CHODL: variants seen among roughly 807,000 people sequenced by gnomAD.
CHODL encodes the protein chondrolectin, also known as transmembrane protein MT75.
In CHODL, 29 loss-of-function variants were observed where a neutral mutation model predicts 34.5. That is an observed-to-expected ratio of 0.84 (90% CI 0.63 to 1.15). The LOEUF (loss-of-function observed/expected upper bound fraction) is 1.15. Among genes scored for constraint, CHODL ranks in the 50% most tolerant of loss-of-function variants. CHODL has a pLI of 0.00. For synonymous variants in CHODL, 125 were observed against 116.1 expected, an observed-to-expected ratio of 1.08 and a Z score of -0.49; for missense variants, 332 against 332.5, an observed-to-expected ratio of 1.00 and a Z score of 0.01.
chr21:18,110,327 G>A (rs947143775), intron 2 of CHODL, among the ~76,000 whole-genome samples: 1 of 152,184 alleles, frequency 6.6e-6, no homozygotes, highest in African/African-American at 2.4e-5. Flanking sequence ...TTCATTGAGA[G>A]GTGATTCACT....
chr21:18,197,932 C>T (rs922813692), intron 2 of CHODL, among the ~76,000 whole-genome samples: 10 of 152,142 alleles, frequency 6.6e-5, no homozygotes, highest in Non-Finnish European at 1.5e-4. Flanking sequence ...AAATATTTCA[C>T]GATAGTTTAA....
intron 1 of CHODL, among the ~76,000 whole-genome samples, chr21:17,929,719 G>T (rs2063256337): frequency 6.6e-6 from 1 of 152,244 alleles, no homozygotes; most frequent in Non-Finnish European, 1.5e-5. Context: ...AACTTGCCCG[G>T]AGATTGCGCA....
At chr21:17,924,068 C>G (rs1869141764) in intron 1 of CHODL, among the ~76,000 whole-genome samples, 1 of 152,138 alleles carries the variant, frequency 6.6e-6, no homozygotes, top group Non-Finnish European at 1.5e-5. Context: ...TGATATTTGG[C>G]TCATGCCTGA....
chr21:18,163,720 T>A (rs1276342875), intron 2 of CHODL, among the ~76,000 whole-genome samples: 1 of 152,162 alleles, frequency 6.6e-6, no homozygotes, highest in Non-Finnish European at 1.5e-5. Flanking sequence ...CTATTTTAAG[T>A]TTCTTGAGGT....
chr21:18,155,374 C>A (rs990774288), intron 2 of CHODL, among the ~76,000 whole-genome samples: 1 of 152,108 alleles, frequency 6.6e-6, no homozygotes, highest in Non-Finnish European at 1.5e-5. Flanking sequence ...AATTCATGTG[C>A]CTTGTGGATT....
intron 2 of CHODL, among the ~76,000 whole-genome samples, chr21:18,087,155 G>A (rs2065017674): frequency 6.6e-6 from 1 of 152,072 alleles, no homozygotes; most frequent in South Asian, 2.1e-4. Flanking sequence ...ATGTTAAAAT[G>A]GTGCCAGTCA....
rs1313889705 is a variant in CHODL at position 18,083,911 on chromosome 21, A to C, written c.-45+55940A>C. 7.2e-5 allele frequency among the ~76,000 whole-genome samples: 11 copies of C among 152,162 alleles called. No individual in the cohort carries two copies. In the East Asian group the frequency reaches 2.1e-3, roughly 29 times the overall value. On this transcript the variant is annotated intron_variant, in intron 2 of 6. Transcript: ENST00000400127. ...ATTTAGGTTAATGCTGGAATGAGTT[A>C]AGACTTTGGGAGACTGCTGGAAAGA...
At chr21:17,954,001 T>A (rs548239257) in intron 1 of CHODL, among the ~76,000 whole-genome samples, 1 of 152,120 alleles carries the variant, frequency 6.6e-6, no homozygotes, top group Non-Finnish European at 1.5e-5. Context: ...AGAGCGAGAC[T>A]CTGTCTCAAA....
Position 17,992,715 on chromosome 21 carries a change from G to GTTTTTTTTTT in CHODL, c.-144-35155_-144-35154insTTTTTTTTTT, listed in dbSNP as rs1237074983. Among the ~76,000 whole-genome samples the GTTTTTTTTTT allele has an allele frequency of 1.6e-4, 5 of 31,510 alleles. 1 individual carries two copies. The highest frequency in any genetic ancestry group is 2.2e-4 in the Non-Finnish European group (3 of 13,506). The allele number at this position is 31,510 out of a possible 152,430, so 20.7% of individuals were successfully genotyped here. On this transcript the variant is annotated intron_variant, in intron 1 of 6. Coordinates refer to the CHODL transcript ENST00000400127. ...ATCAGTTCTCAGAGTTTCTGGTGGA[G>GTTTTTTTTTT]TTGTTTTTTTTTTTTTTTTTTTTTT...
At chr21:18,120,701 C>T (rs1158711662) in intron 2 of CHODL, among the ~76,000 whole-genome samples, 1 of 151,866 alleles carries the variant, frequency 6.6e-6, no homozygotes, top group Non-Finnish European at 1.5e-5. Context: ...CTATGCTGTC[C>T]ATAGCTAATT....
intron 2 of CHODL, among the ~76,000 whole-genome samples, chr21:18,101,230 G>A (rs1412206715): frequency 2.0e-5 from 3 of 152,126 alleles, no homozygotes. Context: ...CGTGTAAGAC[G>A]TGACTTGCTC....
At chr21:18,196,032 G>A (rs1237379351) in intron 2 of CHODL, among the ~76,000 whole-genome samples, 1 of 152,124 alleles carries the variant, frequency 6.6e-6, no homozygotes, top group Non-Finnish European at 1.5e-5. Context: ...GTTTCCTCGT[G>A]TGTAATATAA....
rs1164891816 is a variant in CHODL, at chr21:18,016,983, G to A, written c.-144-10889G>A. 7.9e-5 allele frequency among the ~76,000 whole-genome samples: 12 copies of A among 152,236 alleles called. 2 individuals are homozygous for A. The highest frequency in any genetic ancestry group is 7.9e-4 in the Admixed American group (12 of 15,282). On this transcript the variant is annotated intron_variant, in intron 1 of 6. Transcript: ENST00000400127. ...CCAATTTATCCCATTTGGAAGAGGAGCATTTACTTAATGTCTGTATCCCCA... is the reference window on the plus strand; with the variant it reads ...CCAATTTATCCCATTTGGAAGAGGAACATTTACTTAATGTCTGTATCCCCA...
chr21:17,933,288 A>G (rs1022770674), intron 1 of CHODL, among the ~76,000 whole-genome samples: 10 of 152,142 alleles, frequency 6.6e-5, no homozygotes, highest in Non-Finnish European at 1.0e-4. Context: ...GGGCTGGGGG[A>G]CGGTCAGGTC....
At chr21:18,249,038 TA>T (rs1432438273) in intron 1 of CHODL, among the ~76,000 whole-genome samples, 6 of 120,768 alleles carry the variant, frequency 5.0e-5, no homozygotes, top group African/African-American at 2.0e-4. Flanking sequence ...TTAATATATA[TA>T]ATATTATATA....
rs890521851 is a variant in CHODL, at chr21:18,189,702, T to G, written c.-44-66807T>G. ...TCGGCTGGAGTGCAGTGGTGCGATCTCAGCTCACTGCAACCTCCGCCTCCC... is the reference window on the plus strand; with the variant it reads ...TCGGCTGGAGTGCAGTGGTGCGATCGCAGCTCACTGCAACCTCCGCCTCCC... On this transcript the variant is annotated intron_variant, in intron 2 of 6. Transcript: ENST00000400127. Among the ~76,000 whole-genome samples, 29 of 148,484 alleles carry G rather than the reference T, an allele frequency of 2.0e-4. 1 individual carries two copies. The highest frequency in any genetic ancestry group is 6.9e-4 in the African/African-American group (28 of 40,384).
intron 2 of CHODL, among the ~76,000 whole-genome samples, chr21:18,148,719 A>G (rs2072929098): frequency 6.6e-6 from 1 of 152,104 alleles, no homozygotes; most frequent in Admixed American, 6.6e-5. Context: ...TACACATTTC[A>G]TTGTGTCTTG....
At chr21:18,250,333 T>C (rs2074219804) in intron 1 of CHODL, among the ~76,000 whole-genome samples, 1 of 152,054 alleles carries the variant, frequency 6.6e-6, no homozygotes, top group South Asian at 2.1e-4. Flanking sequence ...AAAAAAATAG[T>C]CTCATGCTCT....
At chr21:18,121,380 T>C (rs886321762) in intron 2 of CHODL, among the ~76,000 whole-genome samples, 1 of 152,142 alleles carries the variant, frequency 6.6e-6, no homozygotes, top group East Asian at 1.9e-4. Context: ...GGGCCGCAGG[T>C]TGGACAAGCA....
Sources: gnomAD v4.1 joint callset for allele counts (sites outside exome capture counted in the v4.1 genomes callset) on GRCh38, gnomAD v4.1.1 for gene constraint, MANE v1.5 for transcripts, NCBI Gene and HGNC (gene_info 2026-07-23, HGNC 2026-07-21) for gene names.